Variants in BICC1 observed in about 807,000 individuals in gnomAD.
BICC1 encodes BicC family RNA binding protein 1.
BICC1 carries 43 observed loss-of-function variants against 111.0 expected under a neutral mutation model. The ratio of observed to expected loss-of-function variants is 0.39; its 90% confidence interval spans 0.30 to 0.50. BICC1 has a LOEUF of 0.50. Ranked by LOEUF, BICC1 falls within the 20% of genes least tolerant of loss-of-function variation. BICC1 has a pLI of 0.88. For missense variants in BICC1, 1,091 were observed against 1,203.2 expected (o/e 0.91, Z 1.38); for synonymous variants, 467 against 434.4 (o/e 1.07, Z -0.93).
intron 2 of BICC1, among the ~76,000 whole-genome samples, chr10:58,666,838 T>C (rs967502897): frequency 1.3e-5 from 2 of 152,152 alleles, no homozygotes; most frequent in African/African-American, 2.4e-5. Flanking sequence ...TTTCTCTTTC[T>C]TAATTGAATT....
At chr10:58,653,462 C>T (rs1282424576) in intron 2 of BICC1, among the ~76,000 whole-genome samples, 1 of 152,062 alleles carries the variant, frequency 6.6e-6, no homozygotes, top group Admixed American at 6.6e-5. Flanking sequence ...AATTTAAAGC[C>T]CATTTCATAA....
rs71006206 is a variant in BICC1, at chr10:58,794,165, TTGTGTGTGTGTGTGTGTG to T, written c.1179+578_1179+595del. On this transcript the variant is annotated intron_variant, in intron 9 of 20. Coordinates refer to ENST00000373886, the MANE Select transcript of BICC1 (RefSeq NM_001080512.3). Reference sequence around the variant, plus strand: ...GAGTTGATAAGGCTACTTACATGTTTTGTGTGTGTGTGTGTGTGTGTGTGTGTGTGTGTGTGTGTGTGT... The same window carrying T: ...GAGTTGATAAGGCTACTTACATGTTTTGTGTGTGTGTGTGTGTGTGTGTGT... Among the ~76,000 whole-genome samples, 15 of 138,296 alleles carry T rather than the reference TTGTGTGTGTGTGTGTGTG, an allele frequency of 1.1e-4. No homozygotes were observed. In the East Asian group the frequency reaches 1.7e-3, roughly 16 times the overall value. 90.7% of individuals were successfully genotyped at this position (138,296 alleles called of 152,430 possible).
At chr10:58,585,277 TTGTG>T (rs952748475) in intron 1 of BICC1, among the ~76,000 whole-genome samples, 4 of 152,210 alleles carry the variant, frequency 2.6e-5, no homozygotes, top group East Asian at 1.9e-4. Flanking sequence ...ACACAAATCT[TTGTG>T]TGGCCATTGT....
chr10:58,759,380 A>G (rs1191010022), intron 3 of BICC1, among the ~76,000 whole-genome samples: 1 of 152,166 alleles, frequency 6.6e-6, no homozygotes, highest in Non-Finnish European at 1.5e-5. Context: ...ACTTTTCTAG[A>G]GAGAGAACAC....
intron 2 of BICC1, among the ~76,000 whole-genome samples, chr10:58,639,559 A>T (rs1838056456): frequency 8.7e-6 from 1 of 115,382 alleles, no homozygotes; most frequent in Non-Finnish European, 1.7e-5. Flanking sequence ...CACCACACCC[A>T]GCTAATTGTT....
intron 2 of BICC1, among the ~76,000 whole-genome samples, chr10:58,644,213 C>T (rs1342427738): frequency 6.6e-6 from 1 of 152,146 alleles, no homozygotes; most frequent in Non-Finnish European, 1.5e-5. Context: ...ATGTTTTAAG[C>T]ATCATACTAG....
In BICC1 at chr10:58,805,533, C is replaced by T. The variant is rs73306924; in HGVS notation, c.2182-1051C>T. 2.5e-3 allele frequency among the ~76,000 whole-genome samples: 380 copies of T among 152,284 alleles called. 2 individuals are homozygous for T. Among genetic ancestry groups the T allele is most frequent in the African/African-American group, 8.8e-3 (364 of 41,564 alleles). ...TAGTCCTAGGATTTAAAAACTTCAT[C>T]AAAAATATTATCTAAAAATCTGGCT... On this transcript the variant is annotated intron_variant, in intron 15 of 20. Coordinates refer to ENST00000373886, the MANE Select transcript of BICC1 (RefSeq NM_001080512.3).
At chr10:58,649,676 T>C (rs1022853243) in intron 2 of BICC1, among the ~76,000 whole-genome samples, 12 of 152,298 alleles carry the variant, frequency 7.9e-5, no homozygotes, top group Middle Eastern at 3.4e-3. Context: ...TAAGGAGATA[T>C]TTGCTTTTTC....
intron 2 of BICC1, among the ~76,000 whole-genome samples, chr10:58,627,977 A>G (rs1213183432): frequency 6.6e-6 from 1 of 151,960 alleles, no homozygotes; most frequent in African/African-American, 2.4e-5. Flanking sequence ...ATTTAATGAC[A>G]TGTTGAAATT....
chr10:58,610,462 C>A (rs1452905156), intron 1 of BICC1, among the ~76,000 whole-genome samples: 1 of 152,256 alleles, frequency 6.6e-6, no homozygotes, highest in South Asian at 2.1e-4. Context: ...GAATCCTCCC[C>A]CTAACCTCCA....
At chr10:58,808,196 A>C (rs1467480176) in intron 17 of BICC1, among the ~76,000 whole-genome samples, 1 of 152,134 alleles carries the variant, frequency 6.6e-6, no homozygotes, top group Non-Finnish European at 1.5e-5. Flanking sequence ...TGTGTTTTAA[A>C]GATTGAAGTT....
rs971225214 is a variant in BICC1, at chr10:58,526,155, C to T, written c.190+12822C>T. 2.6e-5 allele frequency among the ~76,000 whole-genome samples: 4 copies of T among 151,776 alleles called. No homozygotes were observed. The South Asian group carries it at 8.3e-4, about 32-fold the overall frequency. On this transcript the variant is annotated intron_variant, in intron 1 of 20. Transcript: ENST00000373886. ...CTGTGCGGTCATCTCAGCTTCTCAG[C>T]AACAACTCATGACATACAGATGCCC...
At chr10:58,553,797 C>T (rs1843365403) in intron 1 of BICC1, among the ~76,000 whole-genome samples, 1 of 151,584 alleles carries the variant, frequency 6.6e-6, no homozygotes, top group Non-Finnish European at 1.5e-5. Flanking sequence ...TGTGCTAACA[C>T]TTCTTTGTCA....
chr10:58,581,066 A>C (rs1338196458), intron 1 of BICC1, among the ~76,000 whole-genome samples: 1 of 152,196 alleles, frequency 6.6e-6, no homozygotes, highest in African/African-American at 2.4e-5. Flanking sequence ...TTAAAAATTA[A>C]ATGATGACTT....
At chr10:58,585,330 G>C (rs1844399950) in intron 1 of BICC1, among the ~76,000 whole-genome samples, 1 of 152,094 alleles carries the variant, frequency 6.6e-6, no homozygotes, top group Non-Finnish European at 1.5e-5. Flanking sequence ...TCAGTTGGTT[G>C]GTGCTGGTCA....
At chr10:58,521,631 A>G (rs1237898196) in intron 1 of BICC1, among the ~76,000 whole-genome samples, 1 of 149,066 alleles carries the variant, frequency 6.7e-6, no homozygotes, top group Non-Finnish European at 1.5e-5. Context: ...CAATTGAATT[A>G]CCAATATAAA....
intron 1 of BICC1, among the ~76,000 whole-genome samples, chr10:58,601,969 G>A (rs1845056966): frequency 1.3e-5 from 2 of 152,188 alleles, no homozygotes; most frequent in South Asian, 4.1e-4. Context: ...AGGTGTCTCA[G>A]CCATGAAGAT....
At position 58,597,095 on chromosome 10, in the gene BICC1, A is replaced by C. The variant is rs897932154; in HGVS notation, c.191-23760A>C. On this transcript the variant is annotated intron_variant, in intron 1 of 20. Transcript: ENST00000373886. The stretch of plus-strand genomic sequence containing the variant: ...AACCCACCCCCAATATTTCAATGTA[A>C]GTTCTTTCTATTTTCTATAAGTGTC... 2.0e-5 allele frequency among the ~76,000 whole-genome samples: 3 copies of C among 152,216 alleles called. No homozygotes were observed. The East Asian group carries it at 5.8e-4, about 29-fold the overall frequency.
At chr10:58,689,265 C>A (rs1839844976) in intron 2 of BICC1, among the ~76,000 whole-genome samples, 1 of 152,102 alleles carries the variant, frequency 6.6e-6, no homozygotes, top group African/African-American at 2.4e-5. Context: ...AAAGAGAGAA[C>A]TTAGTAATTC....
Sources: gnomAD v4.1 joint callset for allele counts (sites outside exome capture counted in the v4.1 genomes callset) on GRCh38, gnomAD v4.1.1 for gene constraint, MANE v1.5 for transcripts, NCBI Gene and HGNC (gene_info 2026-07-23, HGNC 2026-07-21) for gene names.